LCN8: variants seen among roughly 807,000 people sequenced by gnomAD.
The protein encoded by LCN8 is lipocalin 8.
Under a neutral mutation model 22.8 loss-of-function variants are expected in LCN8, and 16 were observed. The observed-to-expected ratio is 0.70, with a 90% CI of 0.47 to 1.06. The LOEUF (loss-of-function observed/expected upper bound fraction) is 1.06. Among genes scored for constraint, LCN8 ranks in the 50% least tolerant of loss-of-function variants. The pLI is 0.00. For synonymous variants in LCN8, 92 were observed against 83.4 expected (o/e 1.10, Z -0.56); for missense variants, 189 against 203.3 (o/e 0.93, Z 0.43).
chr9:136,757,059 G>A lies in LCN8; in HGVS notation c.134C>T (p.Thr45Ile). The A allele has an allele frequency of 1.9e-6, 3 of 1,613,404 alleles. No individual in the cohort carries two copies. Among genetic ancestry groups the A allele is most frequent in the Non-Finnish European group, 2.5e-6 (3 of 1,179,776 alleles). The change falls in exon 2 of 7, where the codon ACC (threonine) becomes ATC (isoleucine). Residue 45 changes from threonine (T) to isoleucine (I), a missense_variant. By Grantham distance (89) the Thr-to-Ile change is moderately conservative. Coordinates refer to ENST00000371688, the MANE Select transcript of LCN8 (RefSeq NM_178469.4). ...LFLTLSGSNL[T>I]VKVAYNSSGS... ...TTACCTGTTATATGCAACCTTCACG[G>A]TCAGGTTACTCCCGCTCAAGGTGAG...
At chr9:136,757,816 C>T (rs568621235) in intron 1 of LCN8, 91 bp downstream of exon 1, 37 of 1,609,326 alleles carry the variant, frequency 2.3e-5, no homozygotes, top group African/African-American at 9.3e-5. Context: ...AGCGTCCCCA[C>T]GAGCTCCCCA....
intron 1 of LCN8, 71 bp from the exon 2 acceptor site, chr9:136,757,239 C>T (rs1310935978): frequency 8.3e-6 from 13 of 1,559,858 alleles, no homozygotes; most frequent in African/African-American, 2.7e-5. Context: ...TCCACGAACC[C>T]CCGGGCAGGG....
chr9:136,758,126 G>A lies in LCN8; in HGVS notation c.-196C>T, dbSNP rs1006083830. ...TTGGCTGCTGGCAGCTCAGAGACGT[G>A]GGTTTCTGCACAAGCGCCATCGGCC... On this transcript the variant is annotated 5_prime_UTR_variant, in exon 1 of 7. Transcript: ENST00000371688. The A allele has an allele frequency of 3.4e-5, 49 of 1,452,112 alleles. No individual in the cohort carries two copies. The highest frequency in any genetic ancestry group is 4.4e-5 in the Non-Finnish European group (49 of 1,101,572). The allele number at this position is 1,452,112 out of a possible 1,614,324, so 90.0% of individuals were successfully genotyped here. A position where few individuals can be genotyped will look rare whatever the true frequency, so the allele number is the denominator to read the frequency against.
intron 3 of LCN8, 131 bp from the exon 4 acceptor site, chr9:136,755,647 A>G (rs1348645244): frequency 6.8e-7 from 1 of 1,465,036 alleles, no homozygotes; most frequent in Admixed American, 2.2e-5. Context: ...GACACTACAG[A>G]AGCTTTTGAA....
rs1847155554 is a variant in LCN8, at chr9:136,755,230, G to GC, written c.421+13dup. On this transcript the variant is annotated intron_variant, in intron 5 of 6. Transcript: ENST00000371688. The stretch of plus-strand genomic sequence containing the variant: ...GGCCCAGCCCAGCCTCCACCCCAAG[G>GC]CCCCTGGGCTCACCAGGCCGGGCCG... The GC allele has an allele frequency of 6.2e-7, 1 of 1,612,380 alleles. No homozygotes were observed. Among genetic ancestry groups the GC allele is most frequent in the Non-Finnish European group, 8.5e-7 (1 of 1,179,606 alleles).
At chr9:136,756,791 G>C (rs1847216625) in intron 2 of LCN8, among the ~76,000 whole-genome samples, 199 bp from the exon 3 acceptor site, 1 of 152,242 alleles carries the variant, frequency 6.6e-6, no homozygotes, top group Admixed American at 6.5e-5. Context: ...CCAGTCACCT[G>C]TCCCACACCC....
chr9:136,756,175 T>C lies in LCN8; in HGVS notation c.226+347A>G, dbSNP rs1487781478. The C allele has an allele frequency of 5.3e-4, 516 of 968,590 alleles. 12 individuals are homozygous for C. The African/African-American group carries it at 0.01, about 19-fold the overall frequency. 60.0% of individuals were successfully genotyped at this position (968,590 alleles called of 1,614,324 possible). On this transcript the variant is annotated intron_variant, in intron 3 of 6. Transcript: ENST00000371688. The stretch of plus-strand genomic sequence containing the variant: ...GCGCAGGGAACAGCATGAGGAACAG[T>C]GCAGGGAACAGCATGGGGAACAGCG...
Position 136,758,225 on chromosome 9 carries a change from A to G in LCN8, c.-295T>C, listed in dbSNP as rs2131094007. On this transcript the variant is annotated 5_prime_UTR_variant, in exon 1 of 7. Transcript: ENST00000371688. ...GCCTGCCCAGCCACCCTCCTGGCAT[A>G]TGGACAGCGGTGGACGCTGCTGGGG... is the stretch of plus-strand genomic sequence containing the variant. 7.4e-7 allele frequency: 1 copy of G among 1,351,386 alleles called. No individual in the cohort carries two copies. The highest frequency in any genetic ancestry group is 1.5e-5 in the African/African-American group (1 of 68,428). The allele number at this position is 1,351,386 out of a possible 1,614,324, so 83.7% of individuals were successfully genotyped here.
At position 136,755,869 on chromosome 9, in the gene LCN8, G is replaced by A. The variant is rs543550446; in HGVS notation, c.227-353C>T. 16 of 1,326,738 alleles carry A rather than the reference G, an allele frequency of 1.2e-5. No individual in the cohort carries two copies. In the Admixed American group the frequency reaches 2.7e-4, roughly 22 times the overall value. The allele number at this position is 1,326,738 out of a possible 1,614,324, so 82.2% of individuals were successfully genotyped here. A position where few individuals can be genotyped will look rare whatever the true frequency, so the allele number is the denominator to read the frequency against. Reference sequence around the variant, plus strand: ...GGGAACGGCACAGAGAAAAGTGCAGGGAACAGCATGGGGAATAGTGCAGGG... The same window carrying A: ...GGGAACGGCACAGAGAAAAGTGCAGAGAACAGCATGGGGAATAGTGCAGGG... On this transcript the variant is annotated intron_variant, in intron 3 of 6. Transcript: ENST00000371688.
chr9:136,755,399 G>A lies in LCN8; in HGVS notation c.331+13C>T, dbSNP rs1161436425. 6.2e-7 allele frequency: 1 copy of A among 1,611,412 alleles called. No homozygotes were observed. Among genetic ancestry groups the A allele is most frequent in the East Asian group, 2.2e-5 (1 of 44,884 alleles). ...AGCAGCAGCTGGGCAGAGCCCCCCAGGGCCAAGCTTACTAAAGTACTTGAG... is the reference window on the plus strand; with the variant it reads ...AGCAGCAGCTGGGCAGAGCCCCCCAAGGCCAAGCTTACTAAAGTACTTGAG... On this transcript the variant is annotated intron_variant, in intron 4 of 6. Coordinates refer to ENST00000371688, the MANE Select transcript of LCN8 (RefSeq NM_178469.4).
rs1219578890 is a variant in LCN8 at position 136,757,066 on chromosome 9, T to A, written c.127A>T (p.Asn43Tyr). The part of the protein sequence containing the change: ...EGLFLTLSGS[N>Y]LTVKVAYNSS... Reference sequence around the variant, plus strand: ...TTATATGCAACCTTCACGGTCAGGTTACTCCCGCTCAAGGTGAGGAACAAG... The same window carrying A: ...TTATATGCAACCTTCACGGTCAGGTAACTCCCGCTCAAGGTGAGGAACAAG... The change falls in exon 2 of 7, where the codon AAC (asparagine) becomes TAC (tyrosine). Residue 43 changes from asparagine (N) to tyrosine (Y), a missense_variant. By Grantham distance (143) the Asn-to-Tyr change is moderately radical. Coordinates refer to ENST00000371688, the MANE Select transcript of LCN8 (RefSeq NM_178469.4). The A allele has an allele frequency of 6.2e-7, 1 of 1,613,368 alleles. No homozygotes were observed. Among genetic ancestry groups the A allele is most frequent in the East Asian group, 2.2e-5 (1 of 44,872 alleles).
chr9:136,757,443 C>A (rs1588309629), intron 1 of LCN8: 2 of 1,369,808 alleles, frequency 1.5e-6, no homozygotes, highest in African/African-American at 1.5e-5. Flanking sequence ...AGGGCTTCTG[C>A]GACATGTCGG....
In LCN8 at chr9:136,757,927, C is replaced by A; in HGVS notation, c.4G>T (p.Glu2Ter). M[E>*]ELDRQKIGGF... ...GCCACCTTCTGCCGGTCCAGCTCCT[C>A]CATGGCTGCTGCCACCTGCGCCCGG... is the stretch of plus-strand genomic sequence containing the variant. Residue 2 changes from glutamate to a stop codon, truncating the protein, a stop_gained, in exon 1 of 7, where the codon GAG becomes TAG. Transcript: ENST00000371688. LOFTEE classifies it high-confidence loss of function. 6.2e-7 allele frequency: 1 copy of A among 1,613,570 alleles called. No homozygotes were observed. Among genetic ancestry groups the A allele is most frequent in the South Asian group, 1.1e-5 (1 of 91,072 alleles).
At position 136,755,163 on chromosome 9, in the gene LCN8, G is replaced by A. The variant is rs190715707; in HGVS notation, c.422-3C>T. 6 of 1,600,436 alleles carry A rather than the reference G, an allele frequency of 3.7e-6. No individual in the cohort carries two copies. The African/African-American group carries it at 6.7e-5, about 18-fold the overall frequency. On this transcript the variant is annotated splice_region_variant and splice_polypyrimidine_tract_variant and intron_variant, in intron 5 of 6. Coordinates refer to ENST00000371688, the MANE Select transcript of LCN8 (RefSeq NM_178469.4). ...CTTCAGGAGCTCGGCACACCGCCCT[G>A]CAGGATAGGCCAGCATGAGGAGCTG... is the stretch of plus-strand genomic sequence containing the variant.
chr9:136,755,311 G>A lies in LCN8; in HGVS notation c.354C>T (p.Asp118=), dbSNP rs1264579181. The change falls in exon 5 of 7, where the codon GAC becomes GAT. Residue 118 remains aspartate, a synonymous_variant. Transcript: ENST00000371688. ...CCCGAAACTTCCAGAACCCCAGCCG[G>A]TCCTTGTCCTCAAGGCTCCGAGCTG... ...KYFTRSLEDK[D]RLGFWKFREL... is the part of the protein sequence containing the mutation. The A allele has an allele frequency of 1.2e-6, 2 of 1,610,364 alleles. No homozygotes were observed. Among genetic ancestry groups the A allele is most frequent in the African/African-American group, 1.3e-5 (1 of 75,070 alleles).
upstream of LCN8, chr9:136,758,365 C>T: frequency 9.7e-7 from 1 of 1,028,784 alleles, no homozygotes; most frequent in Admixed American, 5.0e-5. Flanking sequence ...GCTGCGAGGG[C>T]TGTGGGCACT....
chr9:136,754,677 C>T, intron 6 of LCN8, 168 bp from the exon 7 acceptor site: 1 of 1,430,700 alleles, frequency 7.0e-7, no homozygotes, highest in East Asian at 2.6e-5. Context: ...ACAGGCCCAG[C>T]CTCTAGGGCC....
rs150773074 is a variant in LCN8, at chr9:136,755,309, C to G, written c.356G>C (p.Arg119Pro). 3.1e-6 allele frequency: 5 copies of G among 1,610,470 alleles called. No homozygotes were observed. In the African/African-American group the frequency reaches 4.0e-5, roughly 13 times the overall value. The part of the protein sequence containing the change: ...YFTRSLEDKD[R>P]LGFWKFRELT... The stretch of plus-strand genomic sequence containing the variant: ...CTCCCGAAACTTCCAGAACCCCAGC[C>G]GGTCCTTGTCCTCAAGGCTCCGAGC... Residue 119 changes from arginine (R) to proline (P), a missense_variant, in exon 5 of 7, where the codon CGG (arginine) becomes CCG (proline). Coordinates refer to ENST00000371688, the MANE Select transcript of LCN8 (RefSeq NM_178469.4).
intron 2 of LCN8, 106 bp downstream of exon 2, chr9:136,756,932 G>A (rs548851298): frequency 5.3e-5 from 70 of 1,322,832 alleles, no homozygotes; most frequent in African/African-American, 1.6e-4. Flanking sequence ...GCCCACCAGC[G>A]GGACGGCACT....
Sources: gnomAD v4.1 joint callset for allele counts (sites outside exome capture counted in the v4.1 genomes callset) on GRCh38, gnomAD v4.1.1 for gene constraint, MANE v1.5 for transcripts, NCBI Gene and HGNC (gene_info 2026-07-23, HGNC 2026-07-21) for gene names.